The following HOXB3 variants were observed in gnomAD, a reference collection of about 807,000 sequenced individuals.
The protein encoded by HOXB3 is homeobox protein Hox-B3.
In HOXB3, 17 loss-of-function variants were observed where a neutral mutation model predicts 29.2. The observed-to-expected ratio is 0.58, with a 90% CI of 0.40 to 0.87. HOXB3 has a LOEUF of 0.87. Among genes scored for constraint, HOXB3 ranks in the 40% least tolerant of loss-of-function variants. HOXB3 has a pLI of 0.00. For synonymous variants in HOXB3, 317 were observed against 285.9 expected (o/e 1.11, Z -1.10); for missense variants, 637 against 616.3 (o/e 1.03, Z -0.35).
At chr17:48,571,285 C>T (rs1024501597) in intron 2 of HOXB3, among the ~76,000 whole-genome samples, 4 of 152,206 alleles carry the variant, frequency 2.6e-5, no homozygotes, top group African/African-American at 9.7e-5. Context: ...TTCCCAACTC[C>T]GTTTTCCAAC....
Position 48,555,337 on chromosome 17 carries a change from A to G in HOXB3, c.-159+194T>C, listed in dbSNP as rs1451613492. ...GAAGAGAGAGGGGAGAGAGAGAGGG[A>G]GAGAGAGAGAGAGAGAGAGAGAGAG... On this transcript the variant is annotated intron_variant, in intron 3 of 4. Transcript: ENST00000498678. 805 of 348,896 alleles carry G rather than the reference A, an allele frequency of 2.3e-3. 5 individuals are homozygous for G. In the African/African-American group the frequency reaches 0.026, roughly 11 times the overall value. The allele number at this position is 348,896 out of a possible 1,614,324, so 21.6% of individuals were successfully genotyped here.
intron 2 of HOXB3, among the ~76,000 whole-genome samples, chr17:48,558,189 A>G (rs1225074133): frequency 6.6e-6 from 1 of 152,182 alleles, no homozygotes; most frequent in African/African-American, 2.4e-5. Flanking sequence ...TCTAGGAATA[A>G]CACGAGAGTC....
intron 2 of HOXB3, among the ~76,000 whole-genome samples, chr17:48,557,789 C>G (rs1171687175): frequency 3.3e-5 from 5 of 152,112 alleles, no homozygotes; most frequent in African/African-American, 1.2e-4. Flanking sequence ...TTAGTAGTAT[C>G]AAGAAAATAA....
At chr17:48,584,757 T>C (rs2070014389) in intron 1 of HOXB3, among the ~76,000 whole-genome samples, 1 of 152,142 alleles carries the variant, frequency 6.6e-6, no homozygotes, top group African/African-American at 2.4e-5. Flanking sequence ...GTCTCGCCCT[T>C]TTTGGAGAAG....
At chr17:48,566,580 G>A (rs2069395727) in intron 2 of HOXB3, among the ~76,000 whole-genome samples, 1 of 152,166 alleles carries the variant, frequency 6.6e-6, no homozygotes, top group Non-Finnish European at 1.5e-5. Context: ...AACGCAGGGG[G>A]AAGGGGCCTG....
At chr17:48,562,184 A>C (rs147005375) in intron 2 of HOXB3, among the ~76,000 whole-genome samples, 89 of 152,314 alleles carry the variant, frequency 5.8e-4, no homozygotes, top group African/African-American at 2.0e-3. Context: ...TGAGCAGTAA[A>C]TAATTAATTA....
In HOXB3 at chr17:48,550,422, G is replaced by A. The variant is rs574808595; in HGVS notation, c.1208C>T (p.Pro403Leu). The change falls in exon 5 of 5, where the codon CCC becomes CTC. Residue 403 changes from proline (P) to leucine (L), a missense_variant. Coordinates refer to ENST00000498678, the MANE Select transcript of HOXB3 (RefSeq NM_001384749.1). ...GGAGAGGTCTGTGTAGGTGGGGTGGGGTTCGCAGGGTCCGTGGTGCTGGCT... is the reference window on the plus strand; with the variant it reads ...GGAGAGGTCTGTGTAGGTGGGGTGGAGTTCGCAGGGTCCGTGGTGCTGGCT... ...APSQHHGPCE[P>L]HPTYTDLSSH... 12 of 1,613,914 alleles carry A rather than the reference G, an allele frequency of 7.4e-6. No homozygotes were observed. Among genetic ancestry groups the A allele is most frequent in the Admixed American group, 1.7e-5 (1 of 60,006 alleles).
At chr17:48,571,634 C>T (rs1446524778) in intron 2 of HOXB3, among the ~76,000 whole-genome samples, 15 of 152,184 alleles carry the variant, frequency 9.9e-5, no homozygotes. Context: ...GTAAAGTCCT[C>T]GGCGACTAGG....
At chr17:48,571,049 C>A (rs2069568391) in intron 2 of HOXB3, among the ~76,000 whole-genome samples, 1 of 152,184 alleles carries the variant, frequency 6.6e-6, no homozygotes, top group South Asian at 2.1e-4. Context: ...AGCAAAATGA[C>A]ACGAAGGCAC....
At chr17:48,570,312 C>T (rs2144850856) in intron 2 of HOXB3, among the ~76,000 whole-genome samples, 1 of 152,252 alleles carries the variant, frequency 6.6e-6, no homozygotes, top group East Asian at 1.9e-4. Flanking sequence ...ACAAAAACAA[C>T]CCCCCATCCA....
intron 2 of HOXB3, chr17:48,556,382 A>T (rs1408325929): frequency 6.6e-6 from 1 of 151,932 alleles, no homozygotes; most frequent in African/African-American, 2.4e-5. Context: ...GAACACCAGG[A>T]CTTTTTTAGA....
chr17:48,566,216 T>G (rs1158928576), intron 2 of HOXB3, among the ~76,000 whole-genome samples: 1 of 151,994 alleles, frequency 6.6e-6, no homozygotes, highest in African/African-American at 2.4e-5. Flanking sequence ...AGCAAATGTA[T>G]ATATAAACAA....
chr17:48,552,324 C>A lies in HOXB3; in HGVS notation c.151G>T (p.Ala51Ser), dbSNP rs758085229. The A allele has an allele frequency of 6.2e-7, 1 of 1,614,086 alleles. No individual in the cohort carries two copies. Among genetic ancestry groups the A allele is most frequent in the Non-Finnish European group, 8.5e-7 (1 of 1,180,002 alleles). ...THLEGDYQRSACSLQSLGNAA... is the reference protein window; with the variant it reads ...THLEGDYQRSSCSLQSLGNAA... ...TTGCCCAGGGACTGCAGCGAGCAAG[C>A]TGAGCGCTGGTAGTCGCCCTCCAGG... Residue 51 changes from alanine (A) to serine (S), a missense_variant, in exon 4 of 5, where the codon GCT (alanine) becomes TCT (serine). By Grantham distance (99) the Ala-to-Ser change is moderately conservative. Transcript: ENST00000498678.
chr17:48,580,815 C>G (rs1378945542), intron 1 of HOXB3: 1 of 152,128 alleles, frequency 6.6e-6, no homozygotes, highest in Non-Finnish European at 1.5e-5. Context: ...ACTCGCCTAG[C>G]CACCTGCTTG....
intron 2 of HOXB3, among the ~76,000 whole-genome samples, chr17:48,570,558 A>G (rs2069555487): frequency 6.6e-6 from 1 of 152,168 alleles, no homozygotes; most frequent in African/African-American, 2.4e-5. Context: ...GCTTGTTCGA[A>G]GGGGTCTAAA....
At chr17:48,573,028 C>A (rs965976232) in intron 2 of HOXB3, among the ~76,000 whole-genome samples, 1 of 152,188 alleles carries the variant, frequency 6.6e-6, no homozygotes, top group Non-Finnish European at 1.5e-5. Flanking sequence ...AAAGGGCCAA[C>A]ACATTCAGGT....
chr17:48,555,806 C>G (rs1267404244), intron 2 of HOXB3, among the ~76,000 whole-genome samples, 188 bp from the exon 3 acceptor site: 2 of 151,644 alleles, frequency 1.3e-5, no homozygotes, highest in African/African-American at 4.9e-5. Flanking sequence ...GGTGGGGGAG[C>G]GGGAAAAAAA....
Position 48,552,340 on chromosome 17 carries a change from G to A in HOXB3, c.135C>T (p.Gly45=). ...GCGAGCAAGCTGAGCGCTGGTAGTC[G>A]CCCTCCAGGTGCGTGGCGGCCTGAA... ...PPFQAATHLE[G]DYQRSACSLQ... Residue 45 remains glycine, a synonymous_variant, in exon 4 of 5, where the codon GGC becomes GGT. Coordinates refer to ENST00000498678, the MANE Select transcript of HOXB3 (RefSeq NM_001384749.1). The A allele has an allele frequency of 6.2e-7, 1 of 1,614,046 alleles. No individual in the cohort carries two copies. The highest frequency in any genetic ancestry group is 8.5e-7 in the Non-Finnish European group (1 of 1,179,980).
intron 1 of HOXB3, among the ~76,000 whole-genome samples, chr17:48,585,135 A>G (rs1567966828): frequency 6.6e-6 from 1 of 152,024 alleles, no homozygotes; most frequent in Non-Finnish European, 1.5e-5. Context: ...CCAGAGCCTT[A>G]GACCTGGGCA....
Sources: gnomAD v4.1 joint callset for allele counts (sites outside exome capture counted in the v4.1 genomes callset) on GRCh38, gnomAD v4.1.1 for gene constraint, MANE v1.5 for transcripts, NCBI Gene and HGNC (gene_info 2026-07-23, HGNC 2026-07-21) for gene names.